Variants in OR14A2 observed in about 807,000 individuals in gnomAD.
OR14A2 encodes the protein olfactory receptor family 14 subfamily A member 2, also known as olfactory receptor 14A2.
For synonymous variants in OR14A2, 114 were observed against 58.6 expected (o/e 1.95, Z -4.32); for missense variants, 237 against 152.9 (o/e 1.55, Z -2.90).
the OR14A2 span, among the ~76,000 whole-genome samples, chr1:247,729,835 G>T: frequency 1.3e-5 from 2 of 151,928 alleles, no homozygotes; most frequent in African/African-American, 4.8e-5. Flanking sequence ...TTACTGGTTT[G>T]TTGTTTGCAG....
the OR14A2 span, chr1:247,746,630 C>T: frequency 9.3e-4 from 141 of 152,328 alleles, no homozygotes; most frequent in African/African-American, 3.2e-3. Flanking sequence ...ATTGCTTAAG[C>T]TCCCCACAGT....
the OR14A2 span, among the ~76,000 whole-genome samples, chr1:247,743,524 G>T: frequency 6.6e-6 from 1 of 152,118 alleles, no homozygotes; most frequent in East Asian, 1.9e-4. Context: ...TTGATATTTG[G>T]CAGGCCTTTT....
the OR14A2 span, among the ~76,000 whole-genome samples, chr1:247,743,903 T>C: frequency 1.3e-5 from 2 of 152,224 alleles, no homozygotes. Context: ...AAATATTGAA[T>C]ATATTCTGCT....
chr1:247,737,208 G>A, the OR14A2 span, among the ~76,000 whole-genome samples: 1 of 152,030 alleles, frequency 6.6e-6, no homozygotes, highest in Admixed American at 6.6e-5. Context: ...GAAAAGCTCT[G>A]TTTATTCTTG....
At chr1:247,729,416 C>T in the OR14A2 span, among the ~76,000 whole-genome samples, 1 of 152,002 alleles carries the variant, frequency 6.6e-6, no homozygotes, top group Admixed American at 6.6e-5. Flanking sequence ...ATGTAATATA[C>T]TGTATAATAA....
the OR14A2 span, among the ~76,000 whole-genome samples, chr1:247,747,908 A>C: frequency 6.6e-6 from 1 of 152,132 alleles, no homozygotes; most frequent in Non-Finnish European, 1.5e-5. Flanking sequence ...AGGTCTCCAA[A>C]ATATCCTATG....
At chr1:247,747,613 C>T in the OR14A2 span, among the ~76,000 whole-genome samples, 3 of 152,076 alleles carry the variant, frequency 2.0e-5, no homozygotes, top group Non-Finnish European at 2.9e-5. Flanking sequence ...CCGCCCGCCT[C>T]GGCCTCCCAA....
the OR14A2 span, among the ~76,000 whole-genome samples, chr1:247,743,255 C>G: frequency 1.3e-5 from 2 of 152,068 alleles, no homozygotes; most frequent in African/African-American, 4.8e-5. Context: ...ACCCATGGCA[C>G]TCCTCTCTGG....
At chr1:247,732,641 C>T in the OR14A2 span, among the ~76,000 whole-genome samples, 1 of 152,142 alleles carries the variant, frequency 6.6e-6, no homozygotes, top group Non-Finnish European at 1.5e-5. Flanking sequence ...CAAACAAATC[C>T]TGCATATAAG....
chr1:247,734,517 A>G, the OR14A2 span, among the ~76,000 whole-genome samples: 1 of 152,188 alleles, frequency 6.6e-6, no homozygotes, highest in African/African-American at 2.4e-5. Context: ...ACTGATATGT[A>G]CTGAAATAAC....
the OR14A2 span, chr1:247,739,407 C>T: frequency 1.2e-4 from 96 of 780,652 alleles, no homozygotes; most frequent in Non-Finnish European, 1.7e-4. Flanking sequence ...GTCTGATGCA[C>T]CTTCTATTCT....
chr1:247,733,948 A>C, the OR14A2 span, among the ~76,000 whole-genome samples: 4 of 152,226 alleles, frequency 2.6e-5, no homozygotes, highest in Non-Finnish European at 5.9e-5. Flanking sequence ...TATGCTAGTT[A>C]AGAAGGTTGC....
chr1:247,747,910 T>C, the OR14A2 span, among the ~76,000 whole-genome samples: 1 of 152,162 alleles, frequency 6.6e-6, no homozygotes, highest in African/African-American at 2.4e-5. Context: ...GTCTCCAAAA[T>C]ATCCTATGGT....
At chr1:247,731,937 A>G in the OR14A2 span, among the ~76,000 whole-genome samples, 5 of 152,234 alleles carry the variant, frequency 3.3e-5, no homozygotes, top group South Asian at 1.0e-3. Context: ...CCTGAATATT[A>G]TGAAAGCTGA....
At chr1:247,740,832 A>G in the OR14A2 span, among the ~76,000 whole-genome samples, 12 of 152,214 alleles carry the variant, frequency 7.9e-5, no homozygotes, top group African/African-American at 2.9e-4. Flanking sequence ...TACCACCTCT[A>G]TTAATCCTCT....
At chr1:247,745,479 A>C in the OR14A2 span, among the ~76,000 whole-genome samples, 8 of 152,100 alleles carry the variant, frequency 5.3e-5, no homozygotes, top group Non-Finnish European at 1.2e-4. Flanking sequence ...TCCCTAAGCA[A>C]AACCCCAAAG....
chr1:247,723,293 T>C (rs1229325925), exon 1 of OR14A2: 3 of 717,396 alleles, frequency 4.2e-6, no homozygotes, highest in South Asian at 3.0e-5. Flanking sequence ...TAAGCAGTTA[T>C]GATAAAAACA....
At chr1:247,734,012 C>T in the OR14A2 span, among the ~76,000 whole-genome samples, 4 of 152,020 alleles carry the variant, frequency 2.6e-5, no homozygotes, top group Non-Finnish European at 5.9e-5. Context: ...AAATGGAAAG[C>T]AAAAACAATA....
the OR14A2 span, among the ~76,000 whole-genome samples, chr1:247,729,697 A>G: frequency 6.6e-4 from 101 of 152,182 alleles, 4 homozygotes; most frequent in East Asian, 0.018. Flanking sequence ...TTATATGTAA[A>G]AAATCAATAT....
Sources: gnomAD v4.1 joint callset for allele counts (sites outside exome capture counted in the v4.1 genomes callset) on GRCh38, gnomAD v4.1.1 for gene constraint, MANE v1.5 for transcripts, NCBI Gene and HGNC (gene_info 2026-07-23, HGNC 2026-07-21) for gene names.